The following CKMT2 variants were observed in gnomAD, a reference collection of about 807,000 sequenced individuals.
The protein encoded by CKMT2 is creatine kinase S-type, mitochondrial.
In CKMT2, 43 loss-of-function variants were observed where a neutral mutation model predicts 48.9. The ratio of observed to expected loss-of-function variants is 0.88; its 90% CI spans 0.69 to 1.13. The LOEUF is 1.13. CKMT2 is among the 50% of genes most tolerant of loss of function. The pLI is 0.00. For synonymous variants in CKMT2, 206 were observed against 213.0 expected, an observed-to-expected ratio of 0.97 and a Z score of 0.29; for missense variants, 472 against 555.4, an observed-to-expected ratio of 0.85 and a Z score of 1.51.
intron 1 of CKMT2, among the ~76,000 whole-genome samples, chr5:81,243,696 AT>A (rs549451922): frequency 0.016 from 2,384 of 144,838 alleles, 41 homozygotes; most frequent in African/African-American, 0.049. Context: ...TCCTAATAGG[AT>A]TTTTTTTTTT....
chr5:81,245,567 T>C (rs185686740), intron 1 of CKMT2, among the ~76,000 whole-genome samples: 85 of 152,268 alleles, frequency 5.6e-4, no homozygotes, highest in Admixed American at 3.6e-3. Context: ...CGTCTGTGAG[T>C]TGAAGAGAAT....
Position 81,263,478 on chromosome 5 carries a change from C to T in CKMT2, c.1015-13C>T. 8 of 1,591,688 alleles carry T rather than the reference C, an allele frequency of 5.0e-6. No homozygotes were observed. Among genetic ancestry groups the T allele is most frequent in the Non-Finnish European group, 6.0e-6 (7 of 1,166,856 alleles). On this transcript the variant is annotated splice_polypyrimidine_tract_variant and intron_variant, in intron 8 of 9. Coordinates refer to ENST00000254035, the MANE Select transcript of CKMT2 (RefSeq NM_001099735.2). ...GCCTCTTAGCACATTTAAGTATTATCCCTTTGTCCTAGGACCCACGCTTTT... is the reference window on the plus strand; with the variant it reads ...GCCTCTTAGCACATTTAAGTATTATTCCTTTGTCCTAGGACCCACGCTTTT...
chr5:81,245,754 C>T (rs1756586740), intron 1 of CKMT2, among the ~76,000 whole-genome samples: 1 of 152,128 alleles, frequency 6.6e-6, no homozygotes, highest in African/African-American at 2.4e-5. Context: ...AGGCAGAGGG[C>T]ACAGCAGGGC....
intron 1 of CKMT2, among the ~76,000 whole-genome samples, chr5:81,248,236 T>C (rs1446221311): frequency 6.6e-6 from 1 of 152,208 alleles, no homozygotes; most frequent in Non-Finnish European, 1.5e-5. Flanking sequence ...ACCAGGACAT[T>C]TGGGTCATCC....
At chr5:81,242,574 G>A in intron 1 of CKMT2, 1 of 383,864 alleles carries the variant, frequency 2.6e-6, no homozygotes, top group Non-Finnish European at 5.1e-6. Flanking sequence ...ATTGGATGCA[G>A]GCACACAAAG....
chr5:81,243,940 A>G, intron 1 of CKMT2: 1 of 734,534 alleles, frequency 1.4e-6, no homozygotes, highest in Non-Finnish European at 1.7e-6. Context: ...TGATCCGCCC[A>G]CCTTGGCCTC....
At chr5:81,245,938 G>T (rs147493804) in intron 1 of CKMT2, among the ~76,000 whole-genome samples, 1 of 152,114 alleles carries the variant, frequency 6.6e-6, no homozygotes. Context: ...AGGCATCCCT[G>T]GTTTTCCCTT....
At chr5:81,234,291 C>CAGTG (rs1372883948) in intron 1 of CKMT2, among the ~76,000 whole-genome samples, 1 of 152,162 alleles carries the variant, frequency 6.6e-6, no homozygotes, top group Non-Finnish European at 1.5e-5. Context: ...TGACCCCTCA[C>CAGTG]AGTGTCAGCT....
At chr5:81,246,441 T>A (rs558223168) in intron 1 of CKMT2, among the ~76,000 whole-genome samples, 1 of 152,088 alleles carries the variant, frequency 6.6e-6, no homozygotes, top group East Asian at 1.9e-4. Flanking sequence ...AAAGTAGACA[T>A]CACTTACATT....
chr5:81,255,561 G>A (rs544334313), intron 5 of CKMT2, among the ~76,000 whole-genome samples: 1 of 152,310 alleles, frequency 6.6e-6, no homozygotes, highest in African/African-American at 2.4e-5. Flanking sequence ...GTGTCCAGAA[G>A]ATGGTTTCCA....
intron 1 of CKMT2, chr5:81,239,241 C>G (rs1369835813): frequency 6.6e-6 from 1 of 152,232 alleles, no homozygotes; most frequent in Admixed American, 6.5e-5. Flanking sequence ...CAGAATCAGT[C>G]CTAGCTTAAT....
intron 2 of CKMT2, 64 bp from the exon 3 acceptor site, chr5:81,252,631 G>C: frequency 6.5e-7 from 1 of 1,541,960 alleles, no homozygotes; most frequent in Non-Finnish European, 8.9e-7. Flanking sequence ...CAAACAACAA[G>C]TCCTTCCATT....
At chr5:81,243,395 G>A (rs1230516931) in intron 1 of CKMT2, among the ~76,000 whole-genome samples, 1 of 152,194 alleles carries the variant, frequency 6.6e-6, no homozygotes, top group South Asian at 2.1e-4. Flanking sequence ...AAACGGTAGG[G>A]GGTGATAAGA....
rs766946235 is a variant in CKMT2, at chr5:81,251,217, G to A, written c.85G>A (p.Gly29Arg). 104 of 1,614,040 alleles carry A rather than the reference G, an allele frequency of 6.4e-5. No individual in the cohort carries two copies. The highest frequency in any genetic ancestry group is 8.9e-5 in the East Asian group (4 of 44,888). Residue 29 changes from glycine (G) to arginine (R), a missense_variant, in exon 2 of 10, where the codon GGG becomes AGG. Physicochemically the swap from Gly to Arg is moderately radical, Grantham distance 125. Coordinates refer to ENST00000254035, the MANE Select transcript of CKMT2 (RefSeq NM_001099735.2). ...CATGGGCACCAGTGTCCTGACCACCGGGTACCTGCTGAACCGGCAGAAAGT... is the reference window on the plus strand; with the variant it reads ...CATGGGCACCAGTGTCCTGACCACCAGGTACCTGCTGAACCGGCAGAAAGT... ...ATMGTSVLTT[G>R]YLLNRQKVCA... is the part of the protein sequence containing the mutation.
At chr5:81,258,404 C>G (rs1757090732) in intron 7 of CKMT2, among the ~76,000 whole-genome samples, 1 of 152,176 alleles carries the variant, frequency 6.6e-6, no homozygotes, top group East Asian at 1.9e-4. Context: ...CTGAGCTATT[C>G]TAAGCATACA....
chr5:81,263,589 C>T lies in CKMT2; in HGVS notation c.1113C>T (p.Ser371=), dbSNP rs1304318443. ...CGGTCGCAGATGTGTACGACATTTC[C>T]AACATAGATAGAATTGGTCGATCAG... is the stretch of plus-strand genomic sequence containing the variant. ...TAAVADVYDI[S]NIDRIGRSEV... is the part of the protein sequence containing the mutation. The change falls in exon 9 of 10, where the codon TCC becomes TCT. Residue 371 remains serine (S), a synonymous_variant. Transcript: ENST00000254035. 1.2e-6 allele frequency: 2 copies of T among 1,612,032 alleles called. No homozygotes were observed. Among genetic ancestry groups the T allele is most frequent in the Admixed American group, 3.3e-5 (2 of 59,906 alleles).
In CKMT2 at chr5:81,259,269, C is replaced by T; in HGVS notation, c.1014+15C>T. ...AGCTCAGCAAGGTACTGTTATGTGCCCAGTGGCCCTGATGGGCCAGGATCA... is the reference window on the plus strand; with the variant it reads ...AGCTCAGCAAGGTACTGTTATGTGCTCAGTGGCCCTGATGGGCCAGGATCA... On this transcript the variant is annotated intron_variant, in intron 8 of 9. Transcript: ENST00000254035. 1.2e-6 allele frequency: 2 copies of T among 1,609,118 alleles called. No homozygotes were observed. Among genetic ancestry groups the T allele is most frequent in the South Asian group, 1.1e-5 (1 of 89,840 alleles).
chr5:81,263,461 G>A (rs374750502), intron 8 of CKMT2, 30 bp from the exon 9 acceptor site: 65 of 1,515,018 alleles, frequency 4.3e-5, no homozygotes, highest in Non-Finnish European at 5.3e-5. Flanking sequence ...TTGCCTCTTA[G>A]CACATTTAAG....
At chr5:81,236,309 T>A (rs1036496817) in intron 1 of CKMT2, among the ~76,000 whole-genome samples, 2 of 152,106 alleles carry the variant, frequency 1.3e-5, no homozygotes, top group Non-Finnish European at 2.9e-5. Flanking sequence ...CTCCAATTGC[T>A]GGTCAGTGAA....
Sources: allele counts gnomAD v4.1 joint callset (sites outside exome capture counted in the v4.1 genomes callset), GRCh38; gene constraint gnomAD v4.1.1; transcripts MANE v1.5; gene names NCBI Gene and HGNC (gene_info 2026-07-23, HGNC 2026-07-21).